Variants in PRKAR2B observed in about 807,000 individuals in gnomAD.
PRKAR2B encodes protein kinase cAMP-dependent type II regulatory subunit beta.
In PRKAR2B, 14 loss-of-function variants were observed where a neutral mutation model predicts 49.9. That is an observed-to-expected ratio of 0.28 (90% CI 0.19 to 0.44). The LOEUF (loss-of-function observed/expected upper bound fraction) is 0.44. Among genes scored for constraint, PRKAR2B ranks in the 20% least tolerant of loss-of-function variants. PRKAR2B has a pLI of 1.00. For synonymous variants in PRKAR2B, 196 were observed against 197.7 expected (o/e 0.99, Z 0.07); for missense variants, 393 against 537.9 (o/e 0.73, Z 2.67).
chr7:107,076,421 A>T (rs967706450), intron 2 of PRKAR2B, among the ~76,000 whole-genome samples: 5 of 151,654 alleles, frequency 3.3e-5, no homozygotes, highest in Non-Finnish European at 5.9e-5. Context: ...TCATAAATTG[A>T]CTCCCTGAAG....
At chr7:107,045,435 C>G (rs77341403) in intron 1 of PRKAR2B, among the ~76,000 whole-genome samples, 1 of 152,168 alleles carries the variant, frequency 6.6e-6, no homozygotes, top group Non-Finnish European at 1.5e-5. Flanking sequence ...TTCCCTTCCT[C>G]TAGAGGTGGG....
Position 107,161,577 on chromosome 7 carries a change from A to T in PRKAR2B, c.*1995A>T, listed in dbSNP as rs1298067989. The stretch of plus-strand genomic sequence containing the variant: ...TTCTGACGTGCATAATGCATAATTC[A>T]TTGAAAAGCATGATAGCAATGTGGC... On this transcript the variant is annotated 3_prime_UTR_variant, in exon 11 of 11. Transcript: ENST00000265717. The T allele has an allele frequency of 6.6e-6, 1 of 152,584 alleles. No individual in the cohort carries two copies. The highest frequency in any genetic ancestry group is 6.5e-5 in the Admixed American group (1 of 15,274). The allele number at this position is 152,584 out of a possible 1,614,324, so 9.5% of individuals were successfully genotyped here.
rs1200084625 is a variant in PRKAR2B, at chr7:107,044,800, C to T, written c.-108C>T. The T allele has an allele frequency of 8.2e-6, 7 of 854,840 alleles. No homozygotes were observed. The highest frequency in any genetic ancestry group is 4.2e-5 in the East Asian group (1 of 23,994). The allele number at this position is 854,840 out of a possible 1,614,324, so 53.0% of individuals were successfully genotyped here. A position where few individuals can be genotyped will look rare whatever the true frequency, so the allele number is the denominator to read the frequency against. On this transcript the variant is annotated 5_prime_UTR_variant, in exon 1 of 11. Transcript: ENST00000265717. ...GGGCCCAGTGCGCCGCGCTCGCAGCCGGTAGCGCGCCAGCGCCGTAGGCGC... is the reference window on the plus strand; with the variant it reads ...GGGCCCAGTGCGCCGCGCTCGCAGCTGGTAGCGCGCCAGCGCCGTAGGCGC...
intron 4 of PRKAR2B, among the ~76,000 whole-genome samples, chr7:107,140,086 T>C (rs386465176): frequency 1.3e-3 from 199 of 152,374 alleles, no homozygotes; most frequent in Non-Finnish European, 2.2e-3. Context: ...CTTTGAATTA[T>C]TCCTGTATTT....
chr7:107,053,742 A>G (rs756941125), intron 1 of PRKAR2B, among the ~76,000 whole-genome samples: 8 of 152,166 alleles, frequency 5.3e-5, no homozygotes, highest in Non-Finnish European at 7.4e-5. Flanking sequence ...TTCCAATTGT[A>G]TAGTGGTAAT....
At chr7:107,048,644 G>T (rs1191844247) in intron 1 of PRKAR2B, among the ~76,000 whole-genome samples, 2 of 152,294 alleles carry the variant, frequency 1.3e-5, no homozygotes, top group South Asian at 4.1e-4. Context: ...AAAAAATGTT[G>T]TCTGGCCAGG....
intron 4 of PRKAR2B, among the ~76,000 whole-genome samples, chr7:107,134,728 C>T (rs1174596259): frequency 1.3e-5 from 2 of 152,084 alleles, no homozygotes; most frequent in Non-Finnish European, 2.9e-5. Context: ...GTGTTAAGAC[C>T]ATTCAATAGA....
intron 3 of PRKAR2B, among the ~76,000 whole-genome samples, chr7:107,125,142 A>G (rs1448747819): frequency 6.6e-6 from 1 of 152,204 alleles, no homozygotes; most frequent in Non-Finnish European, 1.5e-5. Flanking sequence ...CATACATACA[A>G]AAACAGCTTT....
intron 1 of PRKAR2B, among the ~76,000 whole-genome samples, chr7:107,048,755 T>C (rs958765145): frequency 2.6e-5 from 4 of 152,190 alleles, no homozygotes; most frequent in African/African-American, 9.7e-5. Flanking sequence ...TTCCAAAGGA[T>C]CCCTTCCTCT....
Position 107,159,597 on chromosome 7 carries a change from G to A in PRKAR2B, c.*15G>A, listed in dbSNP as rs749941581. 9 of 1,613,678 alleles carry A rather than the reference G, an allele frequency of 5.6e-6. No individual in the cohort carries two copies. Among genetic ancestry groups the A allele is most frequent in the Non-Finnish European group, 7.6e-6 (9 of 1,179,762 alleles). The stretch of plus-strand genomic sequence containing the variant: ...CCACTGCATGAAGCAAAAGTATGGA[G>A]CAAGACCTGTAGTGACAAAATTACA... On this transcript the variant is annotated 3_prime_UTR_variant, in exon 11 of 11. Transcript: ENST00000265717.
rs1796180990 is a variant in PRKAR2B, at chr7:107,160,638, G to A, written c.*1056G>A. ...ATTGATCAGCAGCCAATATGGGTTT[G>A]TTTGGTTTTTTTAATTCTTAAAAAC... On this transcript the variant is annotated 3_prime_UTR_variant, in exon 11 of 11. Transcript: ENST00000265717. 6.6e-6 allele frequency: 1 copy of A among 152,024 alleles called. No individual in the cohort carries two copies. Among genetic ancestry groups the A allele is most frequent in the Non-Finnish European group, 1.5e-5 (1 of 67,962 alleles). The allele number at this position is 152,024 out of a possible 1,614,324, so 9.4% of individuals were successfully genotyped here. A position where few individuals can be genotyped will look rare whatever the true frequency, so the allele number is the denominator to read the frequency against.
chr7:107,061,705 A>G (rs1048845375), intron 1 of PRKAR2B, among the ~76,000 whole-genome samples: 1 of 152,194 alleles, frequency 6.6e-6, no homozygotes, highest in Non-Finnish European at 1.5e-5. Context: ...GCAGTTTGAG[A>G]CCAGCCTGGC....
At chr7:107,151,653 A>G (rs1347473025) in intron 7 of PRKAR2B, among the ~76,000 whole-genome samples, 1 of 152,220 alleles carries the variant, frequency 6.6e-6, no homozygotes, top group Non-Finnish European at 1.5e-5. Context: ...TACCTGAAAC[A>G]TGCTTAGGAC....
intron 2 of PRKAR2B, among the ~76,000 whole-genome samples, chr7:107,120,363 A>G (rs1795365843): frequency 6.6e-6 from 1 of 152,072 alleles, no homozygotes; most frequent in African/African-American, 2.4e-5. Context: ...GTCACTGGTT[A>G]AGAGTCTCTT....
At chr7:107,126,164 TGGGCAAATCACGAGGTCA>T (rs1795483508) in intron 3 of PRKAR2B, among the ~76,000 whole-genome samples, 2 of 143,006 alleles carry the variant, frequency 1.4e-5, no homozygotes, top group Non-Finnish European at 3.0e-5. Flanking sequence ...GAGGCTGAAC[TGGGCAAATCACGAGGTCA>T]GGACATCAAG....
chr7:107,126,723 G>A (rs1303169500), intron 3 of PRKAR2B, among the ~76,000 whole-genome samples: 2 of 152,136 alleles, frequency 1.3e-5, no homozygotes, highest in Non-Finnish European at 2.9e-5. Flanking sequence ...TAGTGTGTTA[G>A]CCTTCCTTAT....
intron 1 of PRKAR2B, among the ~76,000 whole-genome samples, chr7:107,056,974 C>T (rs531429346): frequency 2.0e-5 from 3 of 152,314 alleles, no homozygotes; most frequent in East Asian, 1.9e-4. Context: ...TCTGGCCCCC[C>T]ACAAACCACT....
intron 1 of PRKAR2B, among the ~76,000 whole-genome samples, chr7:107,050,888 G>A (rs143024647): frequency 7.6e-4 from 116 of 152,198 alleles, no homozygotes; most frequent in Non-Finnish European, 1.5e-3. Flanking sequence ...GTAGAGATGG[G>A]TCTTCCTTTC....
In PRKAR2B at chr7:107,051,164, G is replaced by T. The variant is rs572075385; in HGVS notation, c.307+5950G>T. Reference sequence around the variant, plus strand: ...TTCATACAACTGTTGCCAACATTTTGTGCGCTATTTATATTAACTTACATC... The same window carrying T: ...TTCATACAACTGTTGCCAACATTTTTTGCGCTATTTATATTAACTTACATC... On this transcript the variant is annotated intron_variant, in intron 1 of 10. Coordinates refer to ENST00000265717, the MANE Select transcript of PRKAR2B (RefSeq NM_002736.3). Among the ~76,000 whole-genome samples, 4 of 152,272 alleles carry T rather than the reference G, an allele frequency of 2.6e-5. No individual in the cohort carries two copies. In the East Asian group the frequency reaches 7.7e-4, roughly 29 times the overall value.
Sources: gnomAD v4.1 joint callset for allele counts (sites outside exome capture counted in the v4.1 genomes callset) on GRCh38, gnomAD v4.1.1 for gene constraint, MANE v1.5 for transcripts, NCBI Gene and HGNC (gene_info 2026-07-23, HGNC 2026-07-21) for gene names.